ZNF469: variants seen among roughly 807,000 people sequenced by gnomAD.
ZNF469 encodes the protein zinc finger protein 469.
In ZNF469, 1 loss-of-function variant was observed where a neutral mutation model predicts 1.0. The observed-to-expected ratio is 1.00, with a 90% CI of 0.35 to 4.73. ZNF469 has a LOEUF of 4.73. ZNF469 is among the 30% of genes most tolerant of loss of function. ZNF469 has a pLI of 0.16. For missense variants in ZNF469, 6,100 were observed against 5,356.3 expected (o/e 1.14, Z -4.33); for synonymous variants, 2,703 against 2,363.4 (o/e 1.14, Z -4.17).
the ZNF469 span, among the ~76,000 whole-genome samples, chr16:88,361,540 C>G: frequency 1.3e-5 from 2 of 151,656 alleles, no homozygotes. Flanking sequence ...GTGAAGGTCT[C>G]TTTAAATTAT....
At chr16:88,185,563 ACG>A in the ZNF469 span, among the ~76,000 whole-genome samples, 163 of 152,148 alleles carry the variant, frequency 1.1e-3, 1 homozygote, top group African/African-American at 3.7e-3. Context: ...ACTCACACAC[ACG>A]TGAATATAGT....
chr16:88,225,593 G>A, the ZNF469 span, among the ~76,000 whole-genome samples: 3 of 74,832 alleles, frequency 4.0e-5, no homozygotes, highest in African/African-American at 1.1e-4. Flanking sequence ...CTGTGTCTGT[G>A]GCCCCCAAAT....
chr16:88,160,875 G>T, the ZNF469 span, among the ~76,000 whole-genome samples: 1 of 152,242 alleles, frequency 6.6e-6, no homozygotes, highest in Non-Finnish European at 1.5e-5. Context: ...AGGTGCGATG[G>T]CTCACACCTG....
In ZNF469 at chr16:88,437,801, G is replaced by C. The variant is rs530393871; in HGVS notation, c.10331G>C (p.Gly3444Ala). Residue 3444 changes from glycine to alanine, a missense_variant, in exon 3 of 3, where the codon GGG becomes GCG. Coordinates refer to ENST00000565624, the MANE Select transcript of ZNF469 (RefSeq NM_001367624.2). ...DRHMNKHLRG[G>A]RQPFAFRGVR... is the part of the protein sequence containing the mutation. Reference sequence around the variant, plus strand: ...CACATGAACAAGCACCTCAGGGGGGGGCGGCAGCCCTTCGCGTTCCGCGGC... The same window carrying C: ...CACATGAACAAGCACCTCAGGGGGGCGCGGCAGCCCTTCGCGTTCCGCGGC... 2.2e-5 allele frequency: 34 copies of C among 1,545,498 alleles called. No homozygotes were observed. The East Asian group carries it at 7.4e-4, about 33-fold the overall frequency.
chr16:88,111,650 T>C, the ZNF469 span, among the ~76,000 whole-genome samples: 4 of 152,174 alleles, frequency 2.6e-5, no homozygotes, highest in Non-Finnish European at 5.9e-5. Flanking sequence ...TGTTTGTTTG[T>C]TTGTTGAGAT....
the ZNF469 span, among the ~76,000 whole-genome samples, chr16:88,104,568 T>G: frequency 6.6e-6 from 1 of 152,258 alleles, no homozygotes; most frequent in Non-Finnish European, 1.5e-5. Flanking sequence ...GTCCCATGCG[T>G]GGGTCACGCA....
At chr16:88,309,049 A>G in the ZNF469 span, among the ~76,000 whole-genome samples, 1 of 152,038 alleles carries the variant, frequency 6.6e-6, no homozygotes, top group Non-Finnish European at 1.5e-5. Flanking sequence ...CAGGGCCCAG[A>G]CCCACGTCCC....
the ZNF469 span, among the ~76,000 whole-genome samples, chr16:88,210,413 A>T: frequency 6.6e-6 from 1 of 152,032 alleles, no homozygotes; most frequent in Non-Finnish European, 1.5e-5. Flanking sequence ...AAATGCATCC[A>T]TCTTCTCTAG....
the ZNF469 span, among the ~76,000 whole-genome samples, chr16:88,345,449 G>A: frequency 2.6e-5 from 4 of 152,218 alleles, no homozygotes; most frequent in Admixed American, 6.5e-5. Context: ...AGCCATGATG[G>A]CTACACACGC....
At chr16:88,244,093 A>G in the ZNF469 span, among the ~76,000 whole-genome samples, 1 of 138,158 alleles carries the variant, frequency 7.2e-6, no homozygotes, top group Non-Finnish European at 1.6e-5. Flanking sequence ...GGATAGGTAG[A>G]TGGCTGAATG....
the ZNF469 span, among the ~76,000 whole-genome samples, chr16:88,257,092 G>A: frequency 2.0e-5 from 3 of 146,846 alleles, no homozygotes; most frequent in African/African-American, 7.5e-5. Flanking sequence ...GGGATTACAG[G>A]CATGCACCAC....
At chr16:88,419,807 G>A (rs74719202) in intron 1 of ZNF469, among the ~76,000 whole-genome samples, 3,078 of 152,354 alleles carry the variant, frequency 0.02, 48 homozygotes, top group East Asian at 0.086. Context: ...TCACCCAGAA[G>A]GCCCCATGTC....
chr16:88,168,622 C>G, the ZNF469 span, among the ~76,000 whole-genome samples: 2 of 152,226 alleles, frequency 1.3e-5, no homozygotes, highest in Non-Finnish European at 2.9e-5. This position sits in a 1 kb window ranked among gnomAD's most constrained non-coding sequence, Gnocchi z 4.3. Context: ...TTGTCCCCAT[C>G]TCCTCTCCAG....
the ZNF469 span, among the ~76,000 whole-genome samples, chr16:88,137,500 G>A: frequency 5.5e-4 from 83 of 150,382 alleles, no homozygotes; most frequent in South Asian, 3.7e-3. Flanking sequence ...ACATATGACC[G>A]TGTGTGCATA....
At chr16:88,227,591 CCCT>C in the ZNF469 span, among the ~76,000 whole-genome samples, 1 of 145,068 alleles carries the variant, frequency 6.9e-6, no homozygotes, top group African/African-American at 2.6e-5. Context: ...CCTTCTCCCT[CCCT>C]CGAGTCTCCC....
At chr16:88,344,724 G>C in the ZNF469 span, among the ~76,000 whole-genome samples, 1 of 152,260 alleles carries the variant, frequency 6.6e-6, no homozygotes, top group African/African-American at 2.4e-5. Context: ...GGTGGACCCA[G>C]GATGCAGCCG....
the ZNF469 span, among the ~76,000 whole-genome samples, chr16:88,133,624 A>G: frequency 6.6e-6 from 1 of 151,802 alleles, no homozygotes; most frequent in African/African-American, 2.4e-5. Flanking sequence ...TAATAAATCA[A>G]TAGATTAATA....
chr16:88,188,642 C>T, the ZNF469 span, among the ~76,000 whole-genome samples: 3 of 152,196 alleles, frequency 2.0e-5, no homozygotes, highest in Admixed American at 1.3e-4. Context: ...TGCCCCAGAA[C>T]TTGCGTATCA....
intron 1 of ZNF469, among the ~76,000 whole-genome samples, chr16:88,419,461 T>G (rs1905392373): frequency 6.6e-6 from 1 of 151,994 alleles, no homozygotes; most frequent in African/African-American, 2.4e-5. Flanking sequence ...AGCCTCAGTT[T>G]CCCCCATTCG....
Sources: allele counts gnomAD v4.1 joint callset (sites outside exome capture counted in the v4.1 genomes callset), GRCh38; gene constraint gnomAD v4.1.1; non-coding constraint Gnocchi (gnomAD v3.1); transcripts MANE v1.5; gene names NCBI Gene and HGNC (gene_info 2026-07-23, HGNC 2026-07-21).